COG5: variants seen among roughly 807,000 people sequenced by gnomAD.
The protein encoded by COG5 is conserved oligomeric Golgi complex subunit 5.
COG5 carries 86 observed loss-of-function variants against 110.4 expected under a neutral mutation model. The observed-to-expected ratio is 0.78, with a 90% CI of 0.65 to 0.93. COG5 has a LOEUF of 0.93. Among genes scored for constraint, COG5 ranks in the 40% least tolerant of loss-of-function variants. The probability of loss-of-function intolerance (pLI) is 0.00; values close to 1 mark genes in which losing one functional copy is unlikely to be tolerated. For synonymous variants in COG5, 360 were observed against 334.6 expected (o/e 1.08, Z -0.83); for missense variants, 1,077 against 987.0 (o/e 1.09, Z -1.22).
chr7:107,352,308 G>T, intron 10 of COG5, among the ~76,000 whole-genome samples: 1 of 102,412 alleles, frequency 9.8e-6, no homozygotes, highest in Admixed American at 1.2e-4. Context: ...TGTGGGGTGG[G>T]GGGAGGGGGG....
At chr7:107,514,992 C>A (rs1279470451) in intron 6 of COG5, among the ~76,000 whole-genome samples, 2 of 152,142 alleles carry the variant, frequency 1.3e-5, no homozygotes, top group Non-Finnish European at 2.9e-5. Context: ...AGATCTTACA[C>A]TTCTCAAACA....
intron 6 of COG5, among the ~76,000 whole-genome samples, chr7:107,475,897 T>C (rs1027352419): frequency 1.3e-5 from 2 of 151,522 alleles, no homozygotes; most frequent in Admixed American, 1.3e-4. Flanking sequence ...TAAGTACGTA[T>C]GAAGCTTTAT....
chr7:107,416,974 G>A lies in COG5; in HGVS notation c.539-4342C>T, dbSNP rs115947715. ...ATAACACAGAGGCAACCACTGGCCA[G>A]TGGAGCATTGGAATTTGTACAGCAA... On this transcript the variant is annotated intron_variant, in intron 6 of 21. Coordinates refer to ENST00000297135, the MANE Select transcript of COG5 (RefSeq NM_006348.5). 5.3e-3 allele frequency among the ~76,000 whole-genome samples: 813 copies of A among 152,304 alleles called. 8 individuals carry two copies. Among genetic ancestry groups the A allele is most frequent in the African/African-American group, 0.019 (791 of 41,552 alleles).
At chr7:107,560,142 G>C (rs933097011) in intron 1 of COG5, among the ~76,000 whole-genome samples, 2 of 152,186 alleles carry the variant, frequency 1.3e-5, no homozygotes, top group African/African-American at 4.8e-5. Flanking sequence ...AATTCTGTGA[G>C]CCAGTTGACC....
intron 8 of COG5, among the ~76,000 whole-genome samples, chr7:107,364,356 T>C (rs1381868794): frequency 6.6e-6 from 1 of 152,228 alleles, no homozygotes; most frequent in Non-Finnish European, 1.5e-5. Context: ...GCATGATCCC[T>C]GATTGGTTTC....
chr7:107,302,420 T>C (rs1170548493), intron 11 of COG5, among the ~76,000 whole-genome samples: 1 of 152,182 alleles, frequency 6.6e-6, no homozygotes, highest in African/African-American at 2.4e-5. Flanking sequence ...AGGAAACTTT[T>C]GGCAGTGATG....
intron 10 of COG5, among the ~76,000 whole-genome samples, chr7:107,357,615 A>G (rs1435687904): frequency 2.6e-5 from 4 of 152,144 alleles, no homozygotes; most frequent in Non-Finnish European, 4.4e-5. Context: ...CCTATACCTA[A>G]CAATCCTTTT....
At chr7:107,275,409 C>A (rs1182349952) in intron 14 of COG5, among the ~76,000 whole-genome samples, 1 of 151,244 alleles carries the variant, frequency 6.6e-6, no homozygotes, top group Non-Finnish European at 1.5e-5. Context: ...TCTGTTTGCA[C>A]ATAATATAAA....
chr7:107,360,789 T>A (rs1813042919), intron 10 of COG5, among the ~76,000 whole-genome samples: 1 of 152,240 alleles, frequency 6.6e-6, no homozygotes, highest in Admixed American at 6.5e-5. Context: ...GTCACTCACA[T>A]ACCACTCACT....
chr7:107,395,168 T>C (rs1790894947), intron 7 of COG5, among the ~76,000 whole-genome samples: 1 of 152,086 alleles, frequency 6.6e-6, no homozygotes, highest in Admixed American at 6.6e-5. Flanking sequence ...AAATATTTCT[T>C]CAAAGTTTAA....
At chr7:107,381,060 A>G in intron 7 of COG5, among the ~76,000 whole-genome samples, 1 of 152,228 alleles carries the variant, frequency 6.6e-6, no homozygotes. Context: ...TTAATCTTGC[A>G]GAAGAGGTTC....
chr7:107,551,526 T>A (rs1318195752), intron 3 of COG5, among the ~76,000 whole-genome samples: 4 of 152,206 alleles, frequency 2.6e-5, no homozygotes, highest in African/African-American at 7.2e-5. Context: ...CTAATATGTA[T>A]ACACACCACA....
At chr7:107,311,450 G>A (rs1278738305) in intron 11 of COG5, among the ~76,000 whole-genome samples, 2 of 126,154 alleles carry the variant, frequency 1.6e-5, no homozygotes, top group Non-Finnish European at 3.1e-5. Flanking sequence ...GCGGACTGCA[G>A]TGGCGCAATC....
chr7:107,452,307 A>G (rs1375641674), intron 6 of COG5, among the ~76,000 whole-genome samples: 1 of 152,164 alleles, frequency 6.6e-6, no homozygotes, highest in African/African-American at 2.4e-5. Flanking sequence ...GCTCTCCTGT[A>G]AAAGTTGAAA....
At chr7:107,387,335 A>T (rs1257807676) in intron 7 of COG5, among the ~76,000 whole-genome samples, 1 of 152,102 alleles carries the variant, frequency 6.6e-6, no homozygotes, top group Admixed American at 6.5e-5. Flanking sequence ...AGGAGGTGCA[A>T]ACGGGAAGGT....
intron 11 of COG5, among the ~76,000 whole-genome samples, chr7:107,323,468 C>T (rs60255281): frequency 0.19 from 28,354 of 152,058 alleles, 2,795 homozygotes; most frequent in Non-Finnish European, 0.22. Flanking sequence ...AAGGCAGAGG[C>T]AGCAGTGAGC....
chr7:107,543,063 T>TA lies in COG5; in HGVS notation c.417+5047dup, dbSNP rs999945848. On this transcript the variant is annotated intron_variant, in intron 5 of 21. Coordinates refer to ENST00000297135, the MANE Select transcript of COG5 (RefSeq NM_006348.5). ...AGGGTATTAAAGCATAATTTTTAGT[T>TA]AAAAAAAATCAATGTGATATGTTTA... 9.9e-5 allele frequency among the ~76,000 whole-genome samples: 15 copies of TA among 151,868 alleles called. No individual in the cohort carries two copies. In the East Asian group the frequency reaches 1.5e-3, roughly 16 times the overall value.
intron 21 of COG5, chr7:107,209,206 A>G: frequency 1.0e-6 from 1 of 985,396 alleles, no homozygotes; most frequent in Non-Finnish European, 1.2e-6. Context: ...CCCCTGGGAG[A>G]GTTGAGAATG....
intron 7 of COG5, among the ~76,000 whole-genome samples, chr7:107,379,232 G>T (rs1318876111): frequency 6.6e-6 from 1 of 152,122 alleles, no homozygotes; most frequent in Admixed American, 6.5e-5. Context: ...GAGAGATTTT[G>T]TCACCACCAG....
Sources: allele counts gnomAD v4.1 joint callset (sites outside exome capture counted in the v4.1 genomes callset), GRCh38; gene constraint gnomAD v4.1.1; transcripts MANE v1.5; gene names NCBI Gene and HGNC (gene_info 2026-07-23, HGNC 2026-07-21).